GRIK2: variants seen among roughly 807,000 people sequenced by gnomAD.
The protein encoded by GRIK2 is glutamate receptor ionotropic, kainate 2.
Under a neutral mutation model 100.3 loss-of-function variants are expected in GRIK2, and 32 were observed. The ratio of observed to expected loss-of-function variants is 0.32; its 90% CI spans 0.24 to 0.43. The LOEUF is 0.43. Among genes scored for constraint, GRIK2 ranks in the 20% least tolerant of loss-of-function variants. The pLI is 1.00. For missense variants in GRIK2, 843 were observed against 1,114.9 expected, an observed-to-expected ratio of 0.76 and a Z score of 3.47; for synonymous variants, 417 against 389.4, an observed-to-expected ratio of 1.07 and a Z score of -0.83.
intron 4 of GRIK2, among the ~76,000 whole-genome samples, chr6:101,651,823 G>A (rs1365200095): frequency 6.6e-6 from 1 of 152,210 alleles, no homozygotes; most frequent in South Asian, 2.1e-4. Flanking sequence ...GTAGGGTCTG[G>A]GATGAACTAT....
intron 10 of GRIK2, among the ~76,000 whole-genome samples, chr6:101,840,574 G>A (rs1783426923): frequency 6.6e-6 from 1 of 152,106 alleles, no homozygotes; most frequent in Non-Finnish European, 1.5e-5. Context: ...TGGAATCAGT[G>A]CTTTAACATA....
At chr6:101,795,736 G>A (rs1455958214) in intron 7 of GRIK2, among the ~76,000 whole-genome samples, 1 of 152,186 alleles carries the variant, frequency 6.6e-6, no homozygotes, top group Non-Finnish European at 1.5e-5. Flanking sequence ...AACAAGGCAG[G>A]GCTGTTCTCA....
intron 14 of GRIK2, among the ~76,000 whole-genome samples, chr6:102,015,530 A>C (rs1251215197): frequency 6.6e-6 from 1 of 152,200 alleles, no homozygotes; most frequent in Non-Finnish European, 1.5e-5. Context: ...ATGTGCAAAC[A>C]GTTGCTATCA....
chr6:101,759,327 A>G (rs1219817310), intron 7 of GRIK2, among the ~76,000 whole-genome samples: 1 of 152,000 alleles, frequency 6.6e-6, no homozygotes, highest in African/African-American at 2.4e-5. Context: ...GCTATTTTTT[A>G]TTTTCCTTTT....
chr6:101,973,646 T>A (rs1277235742), intron 14 of GRIK2, among the ~76,000 whole-genome samples: 1 of 151,960 alleles, frequency 6.6e-6, no homozygotes, highest in South Asian at 2.1e-4. Context: ...TATTAAATGA[T>A]AATTTTAAAG....
At chr6:101,810,556 C>G (rs914970200) in intron 9 of GRIK2, among the ~76,000 whole-genome samples, 1 of 152,022 alleles carries the variant, frequency 6.6e-6, no homozygotes, top group Non-Finnish European at 1.5e-5. Context: ...CAGCCAATTT[C>G]CAGACAATTG....
chr6:101,674,613 C>A (rs1429125127), intron 4 of GRIK2, among the ~76,000 whole-genome samples: 1 of 152,312 alleles, frequency 6.6e-6, no homozygotes, highest in Admixed American at 6.5e-5. Flanking sequence ...CACCTGTACT[C>A]ATTAAACACA....
At chr6:101,795,581 A>G (rs1331005199) in intron 7 of GRIK2, among the ~76,000 whole-genome samples, 3 of 152,180 alleles carry the variant, frequency 2.0e-5, no homozygotes, top group Non-Finnish European at 4.4e-5. Flanking sequence ...TGGGCCCCTA[A>G]GCAGTATGCA....
chr6:101,643,616 T>A (rs917658068), intron 4 of GRIK2, among the ~76,000 whole-genome samples: 1 of 151,658 alleles, frequency 6.6e-6, no homozygotes, highest in Non-Finnish European at 1.5e-5. Flanking sequence ...GCCAGTATCA[T>A]ACTGTTTTAA....
chr6:101,861,336 T>G (rs1169139499), intron 11 of GRIK2, among the ~76,000 whole-genome samples: 1 of 152,168 alleles, frequency 6.6e-6, no homozygotes, highest in East Asian at 1.9e-4. Flanking sequence ...TTAGATGGTA[T>G]TACAATGAGA....
intron 2 of GRIK2, among the ~76,000 whole-genome samples, chr6:101,585,642 T>C (rs1254046309): frequency 6.6e-6 from 1 of 152,076 alleles, no homozygotes; most frequent in Non-Finnish European, 1.5e-5. Flanking sequence ...AATATGGTGC[T>C]CTAGGCAAAG....
At chr6:102,018,965 TA>T (rs1227115526) in intron 14 of GRIK2, among the ~76,000 whole-genome samples, 11 of 152,188 alleles carry the variant, frequency 7.2e-5, no homozygotes, top group African/African-American at 2.6e-4. Context: ...ATTTTTAAAT[TA>T]TTTTTTTCTG....
chr6:102,059,381 G>A (rs1267077659), intron 16 of GRIK2, among the ~76,000 whole-genome samples: 1 of 151,018 alleles, frequency 6.6e-6, no homozygotes, highest in Non-Finnish European at 1.5e-5. Context: ...ATCAACACAT[G>A]CATTTTATAA....
chr6:101,498,126 T>C (rs970521643), intron 2 of GRIK2, among the ~76,000 whole-genome samples: 4 of 149,206 alleles, frequency 2.7e-5, no homozygotes, highest in African/African-American at 7.4e-5. Flanking sequence ...TGTTTGGTTT[T>C]TTGTCCTTGT....
At chr6:101,620,108 G>T (rs2128316162) in intron 2 of GRIK2, 1 of 160,106 alleles carries the variant, frequency 6.2e-6, no homozygotes, top group Non-Finnish European at 1.3e-5. Flanking sequence ...AGGCAGCTCA[G>T]ACTGAGGTTT....
intron 2 of GRIK2, among the ~76,000 whole-genome samples, chr6:101,426,217 C>G (rs901969522): frequency 6.6e-6 from 1 of 152,166 alleles, no homozygotes; most frequent in African/African-American, 2.4e-5. Context: ...AAAACCTCAG[C>G]TTTGTTATGT....
chr6:101,923,659 G>A lies in GRIK2; in HGVS notation c.1749-942G>A, dbSNP rs576284041. On this transcript the variant is annotated intron_variant, in intron 12 of 16. Coordinates refer to ENST00000369134, the MANE Select transcript of GRIK2 (RefSeq NM_021956.5). ...TTGATGGCTCGGCGCGGTGGCTCAC[G>A]CCTGTAATCCTAGCACTTTGGGAGG... Among the ~76,000 whole-genome samples the A allele has an allele frequency of 1.9e-3, 292 of 152,138 alleles. 1 individual carries two copies. The highest frequency in any genetic ancestry group is 3.5e-3 in the Non-Finnish European group (239 of 67,992).
chr6:101,400,699 A>G (rs967376262), intron 2 of GRIK2, among the ~76,000 whole-genome samples: 1 of 152,174 alleles, frequency 6.6e-6, no homozygotes, highest in African/African-American at 2.4e-5. Flanking sequence ...GATAAAATTC[A>G]CCATCTCTCC....
At chr6:101,697,508 A>C (rs1772581594) in intron 7 of GRIK2, among the ~76,000 whole-genome samples, 1 of 151,992 alleles carries the variant, frequency 6.6e-6, no homozygotes, top group Non-Finnish European at 1.5e-5. Context: ...ATCCCTATTT[A>C]ACAGATATTT....
Sources: gnomAD v4.1 joint callset for allele counts (sites outside exome capture counted in the v4.1 genomes callset) on GRCh38, gnomAD v4.1.1 for gene constraint, MANE v1.5 for transcripts, NCBI Gene and HGNC (gene_info 2026-07-23, HGNC 2026-07-21) for gene names.